Variants in GCNT1 observed in about 807,000 individuals in gnomAD.
The protein encoded by GCNT1 is glucosaminyl (N-acetyl) transferase 1, also known as beta-1,3-galactosyl-O-glycosyl-glycoprotein beta-1,6-N-acetylglucosaminyltransferase.
GCNT1 carries 16 observed loss-of-function variants against 26.2 expected under a neutral mutation model. That is an observed-to-expected ratio of 0.61 (90% CI 0.41 to 0.93). GCNT1 has a LOEUF of 0.93. Among genes scored for constraint, GCNT1 ranks in the 40% least tolerant of loss-of-function variants. The pLI, the probability that GCNT1 is intolerant of heterozygous loss-of-function variation, is 0.00. For missense variants in GCNT1, 477 were observed against 526.7 expected (o/e 0.91, Z 0.92); for synonymous variants, 183 against 190.8 (o/e 0.96, Z 0.34).
At chr9:76,411,889 A>G in the GCNT1 span, among the ~76,000 whole-genome samples, 14 of 151,718 alleles carry the variant, frequency 9.2e-5, no homozygotes, top group Non-Finnish European at 1.3e-4. Context: ...TTTAGTAGAG[A>G]CAAGGTTTCA....
At chr9:76,394,204 C>T in the GCNT1 span, 3 of 1,555,510 alleles carry the variant, frequency 1.9e-6, no homozygotes, top group Admixed American at 1.9e-5. Flanking sequence ...GGCTGCGGCC[C>T]GGTCTGCGCG....
chr9:76,452,983 T>C (rs1402126598), intron 1 of GCNT1, among the ~76,000 whole-genome samples: 1 of 152,234 alleles, frequency 6.6e-6, no homozygotes, highest in Non-Finnish European at 1.5e-5. Flanking sequence ...GTGCCATTAC[T>C]ACAAAGCCTG....
chr9:76,394,229 C>G, the GCNT1 span: 12 of 1,515,154 alleles, frequency 7.9e-6, no homozygotes, highest in South Asian at 1.3e-4. Flanking sequence ...GCGGAGCCGC[C>G]GTCGACGCGG....
chr9:76,397,126 A>G, the GCNT1 span, among the ~76,000 whole-genome samples: 4 of 152,216 alleles, frequency 2.6e-5, no homozygotes, highest in African/African-American at 7.2e-5. Context: ...TACTAAAAAT[A>G]CAAAAATTAG....
At chr9:76,402,541 G>A in the GCNT1 span, among the ~76,000 whole-genome samples, 1 of 152,160 alleles carries the variant, frequency 6.6e-6, no homozygotes, top group African/African-American at 2.4e-5. Flanking sequence ...AAAACAGAGA[G>A]TCTACAAAAT....
intron 2 of GCNT1, among the ~76,000 whole-genome samples, chr9:76,492,274 A>G (rs577424498): frequency 1.2e-4 from 19 of 152,296 alleles, no homozygotes; most frequent in African/African-American, 2.6e-4. Context: ...TCATGTAGAT[A>G]ATAGCTCCAG....
At chr9:76,460,448 T>TG (rs1823847386) in intron 2 of GCNT1, among the ~76,000 whole-genome samples, 1 of 152,222 alleles carries the variant, frequency 6.6e-6, no homozygotes, top group Admixed American at 6.5e-5. Context: ...TCTGCCCCCC[T>TG]TCCAGAGCTG....
rs1048456081 is a variant in GCNT1 at position 76,478,162 on chromosome 9, G to A, written c.-290+17985G>A. On this transcript the variant is annotated intron_variant, in intron 2 of 3. Transcript: ENST00000376730. ...AAAGCTGGCCATCCCAGCGAGTAGC[G>A]GCAACCTGCTCAGGTATCCTTCCAT... 5.3e-5 allele frequency among the ~76,000 whole-genome samples: 8 copies of A among 152,156 alleles called. No individual in the cohort carries two copies. The South Asian group carries it at 1.0e-3, about 20-fold the overall frequency.
chr9:76,485,374 G>A (rs372173903), intron 2 of GCNT1, among the ~76,000 whole-genome samples: 2 of 151,576 alleles, frequency 1.3e-5, no homozygotes, highest in African/African-American at 4.8e-5. Context: ...GGGTTTTGCC[G>A]AGTTGGCCAG....
At chr9:76,493,776 A>G (rs995145482) in intron 2 of GCNT1, among the ~76,000 whole-genome samples, 2 of 152,170 alleles carry the variant, frequency 1.3e-5, no homozygotes, top group African/African-American at 2.4e-5. Flanking sequence ...TTCTCCTTCA[A>G]TGAAAAGAAA....
At chr9:76,425,342 C>T (rs1377234036) in intron 1 of GCNT1, among the ~76,000 whole-genome samples, 1 of 151,756 alleles carries the variant, frequency 6.6e-6, no homozygotes, top group Non-Finnish European at 1.5e-5. Flanking sequence ...CCTGCCTCAG[C>T]CTCCTGAGTA....
chr9:76,505,605 G>T lies in GCNT1; in HGVS notation c.*1937G>T, dbSNP rs1825216324. On this transcript the variant is annotated 3_prime_UTR_variant, in exon 4 of 4. Transcript: ENST00000376730. ...TAAACATTTTTTCATTTTTTATTTT[G>T]AAAAATTGCAAATCTACAGCAAAAG... 1 of 163,984 alleles carries T rather than the reference G, an allele frequency of 6.1e-6. No individual in the cohort carries two copies. The highest frequency in any genetic ancestry group is 6.7e-5 in the Admixed American group (1 of 14,860). The allele number at this position is 163,984 out of a possible 1,614,324, so 10.2% of individuals were successfully genotyped here.
chr9:76,465,400 A>G (rs1423867900), intron 2 of GCNT1, among the ~76,000 whole-genome samples: 1 of 152,194 alleles, frequency 6.6e-6, no homozygotes, highest in Non-Finnish European at 1.5e-5. Context: ...CTAGGATTAC[A>G]GGTGTGAGCC....
chr9:76,452,875 A>G (rs975873691), intron 1 of GCNT1, among the ~76,000 whole-genome samples: 8 of 152,088 alleles, frequency 5.3e-5, no homozygotes, highest in Non-Finnish European at 1.0e-4. Context: ...ACCCTACTTA[A>G]TCTTCAATCT....
chr9:76,401,573 T>TA, the GCNT1 span, among the ~76,000 whole-genome samples: 1 of 151,970 alleles, frequency 6.6e-6, no homozygotes. Context: ...TCCTCACCCC[T>TA]AATGCGTTGT....
At chr9:76,477,329 C>T (rs1006055608) in intron 2 of GCNT1, among the ~76,000 whole-genome samples, 1 of 151,754 alleles carries the variant, frequency 6.6e-6, no homozygotes, top group Non-Finnish European at 1.5e-5. Flanking sequence ...AGTTTGAGAC[C>T]AGCCTTGCCA....
chr9:76,467,244 G>C (rs926230304), intron 2 of GCNT1, among the ~76,000 whole-genome samples: 1 of 152,100 alleles, frequency 6.6e-6, no homozygotes, highest in Admixed American at 6.5e-5. Context: ...GGGTTTCACC[G>C]TGTTAGCCAG....
intron 2 of GCNT1, among the ~76,000 whole-genome samples, chr9:76,475,893 A>T (rs561961795): frequency 6.6e-6 from 1 of 152,152 alleles, no homozygotes; most frequent in African/African-American, 2.4e-5. Flanking sequence ...AACATAGGCT[A>T]TGTCTTCACT....
the GCNT1 span, among the ~76,000 whole-genome samples, chr9:76,408,132 T>C: frequency 6.6e-6 from 1 of 152,228 alleles, no homozygotes; most frequent in East Asian, 1.9e-4. Flanking sequence ...TCTGTTTCTT[T>C]CCTTACTGCA....
Sources: gnomAD v4.1 joint callset for allele counts (sites outside exome capture counted in the v4.1 genomes callset) on GRCh38, gnomAD v4.1.1 for gene constraint, MANE v1.5 for transcripts, NCBI Gene and HGNC (gene_info 2026-07-23, HGNC 2026-07-21) for gene names.